SHISA9: variants seen among roughly 807,000 people sequenced by gnomAD.
The protein encoded by SHISA9 is shisa family member 9.
Under a neutral mutation model 38.0 loss-of-function variants are expected in SHISA9, and 13 were observed. The observed-to-expected ratio is 0.34, with a 90% CI of 0.22 to 0.54. The LOEUF (loss-of-function observed/expected upper bound fraction) is 0.54. SHISA9 is among the 20% of genes least tolerant of loss of function. The pLI is 0.91. For synonymous variants in SHISA9, 275 were observed against 242.0 expected (o/e 1.14, Z -1.27); for missense variants, 538 against 575.8 (o/e 0.93, Z 0.67).
intron 2 of SHISA9, among the ~76,000 whole-genome samples, chr16:13,147,423 T>A (rs534252439): frequency 6.6e-6 from 1 of 151,558 alleles, no homozygotes; most frequent in East Asian, 1.9e-4. Flanking sequence ...TAAGCTACAC[T>A]GTGTTTTCTT....
Position 13,166,254 on chromosome 16 carries a change from T to C in SHISA9, c.692-37140T>C, listed in dbSNP as rs139618113. The stretch of plus-strand genomic sequence containing the variant: ...TCTAAGAGTTTCTACAATGATATGT[T>C]ATCCTTTTCTGTTTCTGGGCTTTGG... On this transcript the variant is annotated intron_variant, in intron 2 of 4. Transcript: ENST00000558583. Among the ~76,000 whole-genome samples the C allele has an allele frequency of 9.6e-4, 147 of 152,334 alleles. 2 individuals carry two copies. Among genetic ancestry groups the C allele is most frequent in the African/African-American group, 3.5e-3 (144 of 41,588 alleles).
chr16:13,363,218 G>C, the SHISA9 span, among the ~76,000 whole-genome samples: 1,332 of 152,264 alleles, frequency 8.7e-3, 29 homozygotes, highest in African/African-American at 0.031. Flanking sequence ...TTTGTGTAAG[G>C]CTCAGCAAAA....
the SHISA9 span, among the ~76,000 whole-genome samples, chr16:13,292,260 T>C: frequency 6.6e-6 from 1 of 152,060 alleles, no homozygotes; most frequent in East Asian, 2.0e-4. Flanking sequence ...TTGTCTTGAC[T>C]ATTGCTTTTA....
the SHISA9 span, among the ~76,000 whole-genome samples, chr16:13,490,355 C>T: frequency 1.8e-3 from 269 of 152,146 alleles, no homozygotes; most frequent in African/African-American, 6.2e-3. Context: ...CTGAGACCAG[C>T]CTGGGTGACA....
In SHISA9 at chr16:13,054,033, C is replaced by T. The variant is rs139770594; in HGVS notation, c.691+137218C>T. On this transcript the variant is annotated intron_variant, in intron 2 of 4. Transcript: ENST00000558583. ...TCTTCTCTCTCTTTCATATAACCTG[C>T]TTTATTTTCTTTAAAGCCCACATCA... 2.0e-3 allele frequency among the ~76,000 whole-genome samples: 298 copies of T among 152,294 alleles called. 1 individual carries two copies. Among genetic ancestry groups the T allele is most frequent in the South Asian group, 4.8e-3 (23 of 4,822 alleles).
At chr16:13,076,101 G>A (rs1306428653) in intron 2 of SHISA9, among the ~76,000 whole-genome samples, 2 of 151,040 alleles carry the variant, frequency 1.3e-5, no homozygotes, top group South Asian at 2.1e-4. Context: ...CGCGATCTTG[G>A]CTTGCTGCAA....
At chr16:13,224,915 A>G (rs2051264053) in intron 4 of SHISA9, among the ~76,000 whole-genome samples, 1 of 152,158 alleles carries the variant, frequency 6.6e-6, no homozygotes, top group Non-Finnish European at 1.5e-5. Context: ...ACAGAAAGGA[A>G]TCTCATGTAT....
intron 2 of SHISA9, among the ~76,000 whole-genome samples, chr16:13,049,782 C>T (rs2073229691): frequency 6.6e-6 from 1 of 152,042 alleles, no homozygotes; most frequent in Admixed American, 6.5e-5. Flanking sequence ...CCTCCACCTC[C>T]ACTTATGCTT....
chr16:13,516,569 G>A, the SHISA9 span, among the ~76,000 whole-genome samples: 1 of 152,186 alleles, frequency 6.6e-6, no homozygotes, highest in African/African-American at 2.4e-5. Context: ...GGAGGCTGAG[G>A]TGGGTGGATT....
At chr16:13,288,348 G>A in the SHISA9 span, among the ~76,000 whole-genome samples, 1 of 152,112 alleles carries the variant, frequency 6.6e-6, no homozygotes, top group Non-Finnish European at 1.5e-5. Flanking sequence ...GTCAGGTTCT[G>A]GTGAAGGCCT....
intron 2 of SHISA9, among the ~76,000 whole-genome samples, chr16:13,132,458 C>T (rs1190346369): frequency 1.3e-5 from 2 of 152,168 alleles, no homozygotes; most frequent in Non-Finnish European, 2.9e-5. Flanking sequence ...GCATGACTGA[C>T]ATTTTGGACT....
At chr16:13,147,520 A>G (rs954985248) in intron 2 of SHISA9, among the ~76,000 whole-genome samples, 14 of 133,206 alleles carry the variant, frequency 1.1e-4, no homozygotes, top group Non-Finnish European at 1.8e-4. Flanking sequence ...CTGGAGTGCA[A>G]TGGCGTGATC....
At chr16:13,038,544 C>G (rs1567191453) in intron 2 of SHISA9, among the ~76,000 whole-genome samples, 1 of 152,212 alleles carries the variant, frequency 6.6e-6, no homozygotes. Context: ...TTTGCACGTA[C>G]TGCTCCTACT....
the SHISA9 span, among the ~76,000 whole-genome samples, chr16:13,386,985 C>G: frequency 1.3e-3 from 196 of 152,272 alleles, 2 homozygotes; most frequent in African/African-American, 4.4e-3. Context: ...GGCTTTAACA[C>G]TTTCAGATGA....
intron 2 of SHISA9, among the ~76,000 whole-genome samples, chr16:13,051,748 C>T (rs1002146452): frequency 6.6e-6 from 1 of 151,564 alleles, no homozygotes; most frequent in African/African-American, 2.4e-5. Context: ...CTGTACAGTT[C>T]TTGAGTTTTT....
At chr16:13,265,339 T>A in the SHISA9 span, among the ~76,000 whole-genome samples, 1 of 84,248 alleles carries the variant, frequency 1.2e-5, no homozygotes, top group Non-Finnish European at 2.3e-5. Flanking sequence ...TCCCCTCCCC[T>A]TTCATCTCCT....
intron 2 of SHISA9, among the ~76,000 whole-genome samples, chr16:13,140,736 G>A (rs1332326912): frequency 6.6e-6 from 1 of 152,210 alleles, no homozygotes; most frequent in Non-Finnish European, 1.5e-5. Context: ...CATGTGGACA[G>A]CAGTGATGGG....
intron 2 of SHISA9, among the ~76,000 whole-genome samples, chr16:13,017,168 C>T (rs536244221): frequency 3.9e-5 from 6 of 151,990 alleles, no homozygotes; most frequent in East Asian, 1.9e-4. Context: ...TACAGGCCCC[C>T]GCCACCATGC....
the SHISA9 span, among the ~76,000 whole-genome samples, chr16:13,319,630 G>A: frequency 3.1e-4 from 47 of 152,074 alleles, no homozygotes; most frequent in Middle Eastern, 6.8e-3. Flanking sequence ...GGGAGTGTGC[G>A]TGGGGAGCAG....
Sources: gnomAD v4.1 joint callset for allele counts (sites outside exome capture counted in the v4.1 genomes callset) on GRCh38, gnomAD v4.1.1 for gene constraint, MANE v1.5 for transcripts, NCBI Gene and HGNC (gene_info 2026-07-23, HGNC 2026-07-21) for gene names.